PTPRG: variants seen among roughly 807,000 people sequenced by gnomAD.
PTPRG encodes the protein receptor-type tyrosine-protein phosphatase gamma.
In PTPRG, 102 loss-of-function variants were observed where a neutral mutation model predicts 165.3. The ratio of observed to expected loss-of-function variants is 0.62; its 90% CI spans 0.53 to 0.73. The LOEUF (loss-of-function observed/expected upper bound fraction) is 0.73, where lower values mean the gene tolerates loss of function less well. Among genes scored for constraint, PTPRG ranks in the 30% least tolerant of loss-of-function variants. The pLI is 0.00. For synonymous variants in PTPRG, 675 were observed against 669.5 expected (o/e 1.01, Z -0.13); for missense variants, 1,866 against 1,861.4 (o/e 1.00, Z -0.05).
At chr3:62,085,701 C>A (rs2106779468) in intron 5 of PTPRG, among the ~76,000 whole-genome samples, 1 of 152,222 alleles carries the variant, frequency 6.6e-6, no homozygotes, top group East Asian at 1.9e-4. Context: ...GTTTTTCTGC[C>A]TCTTTCCCCC....
In PTPRG at chr3:62,271,496, C is replaced by T. The variant is rs746317242; in HGVS notation, c.3123C>T (p.Phe1041=). 68 of 1,613,842 alleles carry T rather than the reference C, an allele frequency of 4.2e-5. No homozygotes were observed. Among genetic ancestry groups the T allele is most frequent in the Non-Finnish European group, 5.4e-5 (64 of 1,179,876 alleles). ...VPEYALPVLT[F]VRRSSAARMP... is the part of the protein sequence containing the mutation. Reference sequence around the variant, plus strand: ...AGTATGCCCTTCCAGTACTGACTTTCGTGAGGAGATCCTCAGCAGCTCGGA... The same window carrying T: ...AGTATGCCCTTCCAGTACTGACTTTTGTGAGGAGATCCTCAGCAGCTCGGA... Residue 1041 remains phenylalanine (F), a synonymous_variant, in exon 21 of 30, where the codon TTC becomes TTT. Coordinates refer to ENST00000474889, the MANE Select transcript of PTPRG (RefSeq NM_002841.4). The surrounding 1 kb of genome is among the most constrained non-coding windows in gnomAD (Gnocchi z 4.1).
intron 1 of PTPRG, among the ~76,000 whole-genome samples, chr3:61,746,300 G>A (rs2106904321): frequency 7.0e-6 from 1 of 143,546 alleles, no homozygotes; most frequent in African/African-American, 2.6e-5. Context: ...CTCACTGCAA[G>A]CCCCGCCTCC....
intron 1 of PTPRG, among the ~76,000 whole-genome samples, chr3:61,712,498 C>T (rs1044405709): frequency 7.9e-5 from 12 of 152,100 alleles, no homozygotes; most frequent in African/African-American, 2.2e-4. Context: ...GATTGGATCA[C>T]GGGGGAGGTT....
intron 1 of PTPRG, among the ~76,000 whole-genome samples, chr3:61,633,030 CCTT>C (rs549847516): frequency 3.2e-4 from 49 of 152,354 alleles, no homozygotes; most frequent in Non-Finnish European, 5.0e-4. Flanking sequence ...TCCCCACCAT[CCTT>C]CTTCTTGATT....
intron 6 of PTPRG, among the ~76,000 whole-genome samples, chr3:62,138,183 A>C (rs1703787008): frequency 6.6e-6 from 1 of 152,190 alleles, no homozygotes; most frequent in Non-Finnish European, 1.5e-5. Context: ...AATTGCTTGA[A>C]TTTGCTTTTT....
At chr3:61,933,868 A>T (rs1009125462) in intron 2 of PTPRG, among the ~76,000 whole-genome samples, 5 of 152,226 alleles carry the variant, frequency 3.3e-5, no homozygotes, top group African/African-American at 1.2e-4. Flanking sequence ...TCAGTAGATC[A>T]GCTAGTTTGA....
intron 1 of PTPRG, chr3:61,742,422 T>TTTGAAA: frequency 7.6e-7 from 1 of 1,316,850 alleles, no homozygotes; most frequent in Non-Finnish European, 1.0e-6. Flanking sequence ...TTTTTTTTTT[T>TTTGAAA]TGAACTGGTA....
Position 62,084,747 on chromosome 3 carries a change from G to A in PTPRG, c.615+6489G>A, listed in dbSNP as rs544603391. On this transcript the variant is annotated intron_variant, in intron 5 of 29. Transcript: ENST00000474889. ...TCCCCACCATAGGTAGATATGATCTGTCCTTCCTTTGACCCACTCTGACTT... is the reference window on the plus strand; with the variant it reads ...TCCCCACCATAGGTAGATATGATCTATCCTTCCTTTGACCCACTCTGACTT... 2.0e-5 allele frequency among the ~76,000 whole-genome samples: 3 copies of A among 152,218 alleles called. No individual in the cohort carries two copies. In the East Asian group the frequency reaches 5.8e-4, roughly 29 times the overall value.
At chr3:61,947,319 G>T (rs1459027317) in intron 2 of PTPRG, among the ~76,000 whole-genome samples, 1 of 152,168 alleles carries the variant, frequency 6.6e-6, no homozygotes, top group Non-Finnish European at 1.5e-5. Context: ...ACAATGTAAA[G>T]GATGGTACTT....
rs1291016643 is a variant in PTPRG at position 62,277,057 on chromosome 3, C to T, written c.3636+9C>T. ...ATGCTTCTTATATCATGGTGAGAGTCAACAGTTAATTATAAATAAAGTCAA... is the reference window on the plus strand; with the variant it reads ...ATGCTTCTTATATCATGGTGAGAGTTAACAGTTAATTATAAATAAAGTCAA... On this transcript the variant is annotated intron_variant, in intron 25 of 29. Coordinates refer to ENST00000474889, the MANE Select transcript of PTPRG (RefSeq NM_002841.4). The T allele has an allele frequency of 8.1e-6, 13 of 1,604,772 alleles. 1 individual carries two copies. The highest frequency in any genetic ancestry group is 6.7e-5 in the African/African-American group (5 of 74,596).
chr3:62,128,229 G>C (rs1052644067), intron 5 of PTPRG, among the ~76,000 whole-genome samples: 1 of 152,152 alleles, frequency 6.6e-6, no homozygotes, highest in African/African-American at 2.4e-5. Context: ...TGCAGGGAAA[G>C]GGGGTGTCTG....
chr3:61,937,329 C>G (rs1559699656), intron 2 of PTPRG, among the ~76,000 whole-genome samples: 1 of 152,170 alleles, frequency 6.6e-6, no homozygotes. Flanking sequence ...GGTTTCACTG[C>G]TGTCGCAAAG....
At chr3:61,652,501 G>T (rs1702382907) in intron 1 of PTPRG, among the ~76,000 whole-genome samples, 1 of 149,778 alleles carries the variant, frequency 6.7e-6, no homozygotes, top group Non-Finnish European at 1.5e-5. Flanking sequence ...TCTTTCTTTG[G>T]GTCATGGACT....
At position 62,195,375 on chromosome 3, in the gene PTPRG, AC is replaced by A. The variant is rs1699935282; in HGVS notation, c.1327+206del. ...TTATCGGCAGAAGAGGGGAGAAAAA[AC>A]AAAACATTTTTGATTGTTTTATTGT... is the stretch of plus-strand genomic sequence containing the variant. On this transcript the variant is annotated intron_variant, in intron 10 of 29. Coordinates refer to ENST00000474889, the MANE Select transcript of PTPRG (RefSeq NM_002841.4). This position sits in a 1 kb window ranked among gnomAD's most constrained non-coding sequence, Gnocchi z 4.4. Among the ~76,000 whole-genome samples, 2 of 152,112 alleles carry A rather than the reference AC, an allele frequency of 1.3e-5. No homozygotes were observed.
At chr3:61,636,776 A>G (rs1040481587) in intron 1 of PTPRG, among the ~76,000 whole-genome samples, 2 of 152,112 alleles carry the variant, frequency 1.3e-5, no homozygotes, top group African/African-American at 4.8e-5. Flanking sequence ...TTTGTTTCAA[A>G]TGCTTTTTTT....
At chr3:62,261,431 C>A (rs1701694048) in intron 16 of PTPRG, among the ~76,000 whole-genome samples, 1 of 152,104 alleles carries the variant, frequency 6.6e-6, no homozygotes, top group South Asian at 2.1e-4. Flanking sequence ...TAGAGAAGAG[C>A]CAAAGGGCAG....
At chr3:61,649,569 A>C (rs1702291815) in intron 1 of PTPRG, among the ~76,000 whole-genome samples, 1 of 152,354 alleles carries the variant, frequency 6.6e-6, no homozygotes, top group East Asian at 1.9e-4. Flanking sequence ...GGGAGGAGCC[A>C]TCATGGCCTA....
At chr3:61,845,569 T>C (rs2036783745) in intron 2 of PTPRG, among the ~76,000 whole-genome samples, 2 of 152,220 alleles carry the variant, frequency 1.3e-5, no homozygotes, top group African/African-American at 4.8e-5. Context: ...AAGCTATTAC[T>C]TGAGTTAAAC....
chr3:61,591,555 A>G (rs1204587330), intron 1 of PTPRG, among the ~76,000 whole-genome samples: 3 of 152,180 alleles, frequency 2.0e-5, no homozygotes, highest in Non-Finnish European at 4.4e-5. Context: ...CAGGAGGGAA[A>G]AGGGACCAGT....
Sources: allele counts gnomAD v4.1 joint callset (sites outside exome capture counted in the v4.1 genomes callset), GRCh38; gene constraint gnomAD v4.1.1; non-coding constraint Gnocchi (gnomAD v3.1); transcripts MANE v1.5; gene names NCBI Gene and HGNC (gene_info 2026-07-23, HGNC 2026-07-21).